The following MYOCD variants were observed in gnomAD, a reference collection of about 807,000 sequenced individuals.
MYOCD encodes the protein myocardin.
MYOCD carries 32 observed loss-of-function variants against 96.1 expected under a neutral mutation model. The observed-to-expected ratio is 0.33, with a 90% CI of 0.25 to 0.45. The LOEUF is 0.45. Ranked by LOEUF, MYOCD falls within the 20% of genes least tolerant of loss-of-function variation. The pLI, the probability that MYOCD is intolerant of heterozygous loss-of-function variation, is 1.00. For missense variants in MYOCD, 1,133 were observed against 1,200.6 expected (o/e 0.94, Z 0.83); for synonymous variants, 469 against 469.0 (o/e 1.00, Z 0.00).
chr17:12,758,063 T>A, intron 11 of MYOCD, 22 bp from the exon 12 acceptor site: 1 of 1,531,056 alleles, frequency 6.5e-7, no homozygotes, highest in Non-Finnish European at 9.1e-7. Flanking sequence ...TCAATGCCTT[T>A]CTTCATATTT....
At chr17:12,678,680 G>A (rs1190545321) in intron 1 of MYOCD, among the ~76,000 whole-genome samples, 1 of 151,698 alleles carries the variant, frequency 6.6e-6, no homozygotes, top group Non-Finnish European at 1.5e-5. Context: ...TTATTTTTTT[G>A]TTTTCTTCTT....
chr17:12,680,836 A>G (rs545781289), intron 1 of MYOCD, among the ~76,000 whole-genome samples: 1 of 152,322 alleles, frequency 6.6e-6, no homozygotes, highest in East Asian at 1.9e-4. Context: ...CTAGTTGAAC[A>G]CTTGTAGTGA....
In MYOCD at chr17:12,763,091, G is replaced by A. The variant is rs138291293; in HGVS notation, c.2408G>A (p.Arg803Lys). 8.2e-4 allele frequency: 1,317 copies of A among 1,612,324 alleles called. No homozygotes were observed. Among genetic ancestry groups the A allele is most frequent in the Non-Finnish European group, 1.1e-3 (1,266 of 1,179,418 alleles). ...CCCACAGAAATGCCAGCAGACGCTA[G>A]AGAGGATCACTCATGTCTTCAAAAA... ...IESGEMPADA[R>K]EDHSCLQKVP... Residue 803 changes from arginine (R) to lysine (K), a missense_variant, in exon 14 of 14, where the codon AGA (arginine) becomes AAA (lysine). Arg to Lys is a conservative substitution (Grantham distance 26, BLOSUM62 2). Transcript: ENST00000425538.
At chr17:12,685,499 G>A (rs973273774) in intron 1 of MYOCD, among the ~76,000 whole-genome samples, 21 of 151,962 alleles carry the variant, frequency 1.4e-4, no homozygotes, top group African/African-American at 4.6e-4. Flanking sequence ...CCAGCTACTC[G>A]GGAGGCTGCG....
intron 2 of MYOCD, chr17:12,705,605 A>T (rs1307723945): frequency 6.4e-6 from 1 of 155,886 alleles, no homozygotes; most frequent in African/African-American, 2.4e-5. Flanking sequence ...TTGGTCAAGT[A>T]TTTCCTTTCT....
At chr17:12,750,466 A>G (rs888105609) in intron 9 of MYOCD, among the ~76,000 whole-genome samples, 2 of 152,122 alleles carry the variant, frequency 1.3e-5, no homozygotes, top group Non-Finnish European at 2.9e-5. Flanking sequence ...AGGTGAGTGG[A>G]TCATCTAAGG....
intron 6 of MYOCD, 151 bp from the exon 7 acceptor site, chr17:12,739,052 T>C: frequency 2.6e-6 from 2 of 773,550 alleles, no homozygotes; most frequent in South Asian, 3.7e-5. Flanking sequence ...CATATACGTA[T>C]GTGACTCCTC....
At chr17:12,677,063 A>G (rs1240142250) in intron 1 of MYOCD, among the ~76,000 whole-genome samples, 2 of 152,178 alleles carry the variant, frequency 1.3e-5, no homozygotes, top group African/African-American at 2.4e-5. Context: ...AATTCACACT[A>G]TGCAGCCATA....
At chr17:12,734,504 C>CTTT (rs3050319) in intron 5 of MYOCD, among the ~76,000 whole-genome samples, 1,613 of 65,468 alleles carry the variant, frequency 0.025, 251 homozygotes, top group East Asian at 0.071. Context: ...ACACATGATC[C>CTTT]TTTTTTTTTT....
In MYOCD at chr17:12,752,775, G is replaced by T; in HGVS notation, c.1487G>T (p.Ser496Ile). 9.9e-6 allele frequency: 16 copies of T among 1,614,114 alleles called. No homozygotes were observed. The highest frequency in any genetic ancestry group is 1.3e-5 in the Non-Finnish European group (15 of 1,180,028). ...PSPVHVCTEE[S>I]LMSSLNGGSV... ...CCAGTCCACGTGTGCACGGAGGAAA[G>T]TCTCATGAGCAGCCTGAATGGGGGC... The change falls in exon 10 of 14, where the codon AGT (serine) becomes ATT (isoleucine). Residue 496 changes from serine to isoleucine, a missense_variant. Ser to Ile is a moderately radical substitution (Grantham distance 142). Coordinates refer to ENST00000425538, the MANE Select transcript of MYOCD (RefSeq NM_001146312.3).
rs759071128 is a variant in MYOCD, at chr17:12,722,914, T to C, written c.321T>C (p.Asp107=). The stretch of plus-strand genomic sequence containing the variant: ...TGAAAAGAGCCCGACTCGCCGATGA[T>C]CTCAATGAAAAAATTGCTCTACGAC... ...MKLKRARLAD[D]LNEKIALRPG... The change falls in exon 5 of 14, where the codon GAT becomes GAC. Residue 107 remains aspartate, a synonymous_variant. Transcript: ENST00000425538. 2 of 1,613,946 alleles carry C rather than the reference T, an allele frequency of 1.2e-6. No homozygotes were observed. Among genetic ancestry groups the C allele is most frequent in the Non-Finnish European group, 1.7e-6 (2 of 1,179,938 alleles).
intron 4 of MYOCD, among the ~76,000 whole-genome samples, chr17:12,718,313 C>T (rs1420910829): frequency 2.0e-5 from 3 of 152,038 alleles, no homozygotes; most frequent in Non-Finnish European, 4.4e-5. Context: ...AGAAAAGAGC[C>T]ATCGGAATCA....
chr17:12,755,592 T>G (rs965106638), intron 10 of MYOCD, among the ~76,000 whole-genome samples: 1 of 151,626 alleles, frequency 6.6e-6, no homozygotes, highest in African/African-American at 2.4e-5. Context: ...AATACAAAAA[T>G]TAGGCCAGGC....
chr17:12,669,384 G>A (rs535637102), intron 1 of MYOCD, among the ~76,000 whole-genome samples: 3 of 152,206 alleles, frequency 2.0e-5, no homozygotes, highest in South Asian at 2.1e-4. Context: ...CTTAAACCGC[G>A]CAAACAGAGG....
intron 2 of MYOCD, among the ~76,000 whole-genome samples, chr17:12,707,896 GCCTA>G (rs1309963498): frequency 5.9e-5 from 9 of 152,116 alleles, no homozygotes; most frequent in Non-Finnish European, 1.0e-4. Flanking sequence ...CATCCTCAGA[GCCTA>G]CCTAATTCTG....
chr17:12,701,897 A>G (rs975146944), intron 1 of MYOCD, among the ~76,000 whole-genome samples: 1 of 152,086 alleles, frequency 6.6e-6, no homozygotes, highest in African/African-American at 2.4e-5. Flanking sequence ...ATTAATTCCA[A>G]TGTGGTCAGA....
At position 12,768,400 on chromosome 17, in the gene MYOCD, G is replaced by T. The variant is rs963738220; in HGVS notation, c.*4756G>T. The T allele has an allele frequency of 2.0e-5, 3 of 152,222 alleles. No homozygotes were observed. The highest frequency in any genetic ancestry group is 4.1e-4 in the South Asian group (2 of 4,830). The allele number at this position is 152,222 out of a possible 1,614,324, so 9.4% of individuals were successfully genotyped here. A position where few individuals can be genotyped will look rare whatever the true frequency, so the allele number is the denominator to read the frequency against. On this transcript the variant is annotated 3_prime_UTR_variant, in exon 14 of 14. Coordinates refer to ENST00000425538, the MANE Select transcript of MYOCD (RefSeq NM_001146312.3). ...ATTGAATGCAATAACATGTGAGTAA[G>T]TTCCCTTTTGATTCTGGGAATCAGC...
chr17:12,697,122 T>A (rs2030791679), intron 1 of MYOCD, among the ~76,000 whole-genome samples: 1 of 151,922 alleles, frequency 6.6e-6, no homozygotes. Flanking sequence ...GTAGACCTCC[T>A]GTCTCAGTAC....
chr17:12,737,025 C>T (rs563880514), intron 6 of MYOCD, among the ~76,000 whole-genome samples: 213 of 152,268 alleles, frequency 1.4e-3, no homozygotes, highest in African/African-American at 3.7e-3. Context: ...GAGGCTGAGG[C>T]GGGCGGATCA....
Sources: allele counts gnomAD v4.1 joint callset (sites outside exome capture counted in the v4.1 genomes callset), GRCh38; gene constraint gnomAD v4.1.1; transcripts MANE v1.5; gene names NCBI Gene and HGNC (gene_info 2026-07-23, HGNC 2026-07-21).